Variants in NELL1 observed in about 807,000 individuals in gnomAD.
NELL1 encodes the protein neural EGFL like 1.
A neutral mutation model predicts 107.4 loss-of-function variants in NELL1; 76 were observed. That is an observed-to-expected ratio of 0.71 (90% confidence interval 0.59 to 0.86). The LOEUF is 0.86. Ranked by LOEUF, NELL1 falls within the 40% of genes least tolerant of loss-of-function variation. NELL1 has a pLI of 0.00. For missense variants in NELL1, 1,024 were observed against 1,005.5 expected (o/e 1.02, Z -0.25); for synonymous variants, 353 against 341.2 (o/e 1.03, Z -0.38).
intron 13 of NELL1, among the ~76,000 whole-genome samples, chr11:21,119,398 A>G (rs908450151): frequency 1.3e-5 from 2 of 151,866 alleles, no homozygotes; most frequent in African/African-American, 2.4e-5. Flanking sequence ...AAAAAAAAAA[A>G]AAAGGATTAT....
At chr11:21,352,460 A>G (rs1055563972) in intron 14 of NELL1, among the ~76,000 whole-genome samples, 3 of 152,182 alleles carry the variant, frequency 2.0e-5, no homozygotes, top group African/African-American at 7.2e-5. Flanking sequence ...TGGGAAATTC[A>G]TAGAAGCATT....
At chr11:21,309,292 AT>A (rs1849691434) in intron 14 of NELL1, among the ~76,000 whole-genome samples, 1 of 82,076 alleles carries the variant, frequency 1.2e-5, no homozygotes, top group East Asian at 2.8e-4. Flanking sequence ...ATATATATAT[AT>A]ATATATGTAT....
intron 13 of NELL1, among the ~76,000 whole-genome samples, chr11:21,122,736 C>G (rs945656199): frequency 1.3e-5 from 2 of 152,098 alleles, no homozygotes; most frequent in Non-Finnish European, 2.9e-5. Context: ...ACTGTACATC[C>G]TCACAGAGTT....
chr11:21,092,290 G>T (rs1854539795), intron 12 of NELL1, among the ~76,000 whole-genome samples: 1 of 151,932 alleles, frequency 6.6e-6, no homozygotes, highest in African/African-American at 2.4e-5. Context: ...AGTGGTTAAG[G>T]GTCAGCACCC....
At chr11:21,309,657 G>T (rs1257870979) in intron 14 of NELL1, among the ~76,000 whole-genome samples, 1 of 152,078 alleles carries the variant, frequency 6.6e-6, no homozygotes, top group East Asian at 1.9e-4. Flanking sequence ...GCTTAATGGA[G>T]TTACAGTTCC....
chr11:20,763,313 T>C (rs1856462626), intron 2 of NELL1, among the ~76,000 whole-genome samples: 1 of 152,194 alleles, frequency 6.6e-6, no homozygotes, highest in Non-Finnish European at 1.5e-5. Context: ...GGGGTTGTCC[T>C]ACCCTGGCAC....
chr11:21,150,270 G>A lies in NELL1; in HGVS notation c.1426+36556G>A, dbSNP rs191492491. Among the ~76,000 whole-genome samples, 395 of 152,280 alleles carry A rather than the reference G, an allele frequency of 2.6e-3. 1 individual carries two copies. Among genetic ancestry groups the A allele is most frequent in the Non-Finnish European group, 3.8e-3 (261 of 68,022 alleles). On this transcript the variant is annotated intron_variant, in intron 13 of 19. Coordinates refer to ENST00000357134, the MANE Select transcript of NELL1 (RefSeq NM_006157.5). ...GCTTTCTTCTATCTATGGTTGCACA[G>A]TTGTAAAGCATCCACCGTATATTAC...
chr11:21,008,206 A>G (rs1852371222), intron 12 of NELL1, among the ~76,000 whole-genome samples: 1 of 152,150 alleles, frequency 6.6e-6, no homozygotes, highest in African/African-American at 2.4e-5. Context: ...TTATTGTTTC[A>G]TATGTGCAGA....
intron 13 of NELL1, among the ~76,000 whole-genome samples, chr11:21,153,316 G>A (rs1200798121): frequency 2.0e-5 from 3 of 152,290 alleles, no homozygotes; most frequent in African/African-American, 7.2e-5. Context: ...GTGTGTATGT[G>A]CGTGCATGTG....
intron 12 of NELL1, among the ~76,000 whole-genome samples, chr11:21,063,311 G>T (rs1291724953): frequency 6.6e-6 from 1 of 152,134 alleles, no homozygotes; most frequent in African/African-American, 2.4e-5. Flanking sequence ...CAACCAGGAA[G>T]CTCTGCTGAG....
chr11:20,678,881 A>T (rs928886490), intron 2 of NELL1, among the ~76,000 whole-genome samples: 1 of 152,236 alleles, frequency 6.6e-6, no homozygotes, highest in Non-Finnish European at 1.5e-5. Context: ...TTGGTGGGAC[A>T]CAGATATTCA....
intron 5 of NELL1, among the ~76,000 whole-genome samples, chr11:20,895,385 A>G (rs928147684): frequency 1.1e-4 from 16 of 139,540 alleles, no homozygotes; most frequent in South Asian, 4.8e-4. Context: ...TGCTCCATGT[A>G]CCCCATTCAC....
chr11:21,243,977 G>T (rs1858427995), intron 14 of NELL1, among the ~76,000 whole-genome samples: 1 of 152,070 alleles, frequency 6.6e-6, no homozygotes, highest in Admixed American at 6.6e-5. Context: ...GCCCAAGTCT[G>T]GCTTTTGGTG....
At chr11:21,071,983 G>A (rs1399684427) in intron 12 of NELL1, among the ~76,000 whole-genome samples, 4 of 152,082 alleles carry the variant, frequency 2.6e-5, no homozygotes, top group Non-Finnish European at 5.9e-5. Context: ...CAATTTGGTA[G>A]CAGAAGCCCA....
intron 3 of NELL1, among the ~76,000 whole-genome samples, chr11:20,831,681 T>A (rs1858012828): frequency 6.6e-6 from 1 of 152,222 alleles, no homozygotes; most frequent in South Asian, 2.1e-4. Flanking sequence ...TTTGAACTGC[T>A]GCAGATTGGG....
intron 3 of NELL1, among the ~76,000 whole-genome samples, chr11:20,832,442 GA>G (rs1432028255): frequency 6.6e-6 from 1 of 152,172 alleles, no homozygotes; most frequent in Non-Finnish European, 1.5e-5. Flanking sequence ...TAAGCTCTGT[GA>G]ACACATGGAT....
At chr11:21,292,769 G>T (rs1363295612) in intron 14 of NELL1, among the ~76,000 whole-genome samples, 1 of 151,408 alleles carries the variant, frequency 6.6e-6, no homozygotes, top group African/African-American at 2.4e-5. Context: ...CCTCAGAAAT[G>T]CTCATAATGC....
At chr11:20,856,381 C>T (rs1321457406) in intron 4 of NELL1, among the ~76,000 whole-genome samples, 1 of 152,202 alleles carries the variant, frequency 6.6e-6, no homozygotes, top group Non-Finnish European at 1.5e-5. Context: ...TCTAACTCTC[C>T]CTCAGGAATG....
chr11:21,158,298 T>A (rs190948044), intron 13 of NELL1, among the ~76,000 whole-genome samples: 1 of 152,316 alleles, frequency 6.6e-6, no homozygotes, highest in African/African-American at 2.4e-5. Flanking sequence ...GCAGACGGTC[T>A]GTTGTGGGAC....
Sources: gnomAD v4.1 joint callset for allele counts (sites outside exome capture counted in the v4.1 genomes callset) on GRCh38, gnomAD v4.1.1 for gene constraint, MANE v1.5 for transcripts, NCBI Gene and HGNC (gene_info 2026-07-23, HGNC 2026-07-21) for gene names.